The following LRIG3 variants were observed in gnomAD, a reference collection of about 807,000 sequenced individuals.
LRIG3 encodes the protein leucine-rich repeats and immunoglobulin-like domains protein 3.
A neutral mutation model predicts 114.5 loss-of-function variants in LRIG3; 76 were observed. The observed-to-expected ratio is 0.66, with a 90% CI of 0.55 to 0.80. The LOEUF (loss-of-function observed/expected upper bound fraction) is 0.80. LRIG3 is among the 30% of genes least tolerant of loss of function. The pLI is 0.00. For missense variants in LRIG3, 1,239 were observed against 1,382.8 expected (o/e 0.90, Z 1.65); for synonymous variants, 512 against 519.8 (o/e 0.98, Z 0.20).
At chr12:58,906,202 G>A (rs1423277968) in intron 3 of LRIG3, among the ~76,000 whole-genome samples, 2 of 152,090 alleles carry the variant, frequency 1.3e-5, no homozygotes, top group Non-Finnish European at 2.9e-5. Flanking sequence ...GGCTAAAGCT[G>A]CTCCTCAACT....
intron 3 of LRIG3, among the ~76,000 whole-genome samples, chr12:58,905,146 C>T (rs999972106): frequency 6.6e-6 from 1 of 152,088 alleles, no homozygotes; most frequent in Admixed American, 6.5e-5. Context: ...GAGCATTGTA[C>T]GTCTTGAGAA....
At chr12:58,900,782 C>A (rs1332921367) in intron 3 of LRIG3, among the ~76,000 whole-genome samples, 2 of 152,156 alleles carry the variant, frequency 1.3e-5, no homozygotes, top group Non-Finnish European at 2.9e-5. Context: ...GGTACACAGA[C>A]CAACGGACCA....
intron 3 of LRIG3, among the ~76,000 whole-genome samples, chr12:58,900,631 AT>A (rs1258172493): frequency 1.3e-5 from 2 of 152,170 alleles, no homozygotes; most frequent in Non-Finnish European, 2.9e-5. Context: ...AGATTTGTGT[AT>A]TTTTTAAAAT....
At chr12:58,873,408 A>T (rs2120862008) in intron 18 of LRIG3, 1 of 153,006 alleles carries the variant, frequency 6.5e-6, no homozygotes, top group East Asian at 1.9e-4. Flanking sequence ...CCTTTTTTAA[A>T]TTTTATTGTC....
At position 58,876,715 on chromosome 12, in the gene LRIG3, G is replaced by A. The variant is rs1870931281; in HGVS notation, c.2537-112C>T. 15 of 1,088,090 alleles carry A rather than the reference G, an allele frequency of 1.4e-5. No individual in the cohort carries two copies. In the South Asian group the frequency reaches 2.2e-4, roughly 16 times the overall value. The allele number at this position is 1,088,090 out of a possible 1,614,324, so 67.4% of individuals were successfully genotyped here. ...GGCTTCTGTATACATCAAATTAGGG[G>A]AGATCTACTCTGGCAAAACCATCTC... On this transcript the variant is annotated intron_variant, in intron 15 of 18. Transcript: ENST00000320743.
At chr12:58,914,112 C>A in intron 2 of LRIG3, 56 bp from the exon 3 acceptor site, 14 of 1,562,602 alleles carry the variant, frequency 9.0e-6, no homozygotes, top group Non-Finnish European at 1.2e-5. Context: ...ATCTGTAATT[C>A]ACAGAGGTGA....
rs545498488 is a variant in LRIG3 at position 58,877,846 on chromosome 12, G to A, written c.2090C>T (p.Pro697Leu). ...GTCCAACAGTGGCCGCAAAAATGAT[G>A]GTGTTTCTGAAATAACAAGTTATGC... is the stretch of plus-strand genomic sequence containing the variant. ...ANATLTVLET[P>L]SFLRPLLDRT... Residue 697 changes from proline (P) to leucine (L), a missense_variant, in exon 15 of 19, where the codon CCA becomes CTA. By Grantham distance (98) the Pro-to-Leu change is moderately conservative. Transcript: ENST00000320743. 6.3e-7 allele frequency: 1 copy of A among 1,595,810 alleles called. No individual in the cohort carries two copies. The highest frequency in any genetic ancestry group is 8.6e-7 in the Non-Finnish European group (1 of 1,165,668).
intron 3 of LRIG3, among the ~76,000 whole-genome samples, chr12:58,895,952 G>C (rs960033100): frequency 6.6e-6 from 1 of 152,150 alleles, no homozygotes; most frequent in African/African-American, 2.4e-5. Flanking sequence ...CAGGGACCCA[G>C]TTCAGCTCTA....
chr12:58,901,675 G>C (rs1278399420), intron 3 of LRIG3, among the ~76,000 whole-genome samples: 1 of 152,162 alleles, frequency 6.6e-6, no homozygotes, highest in Non-Finnish European at 1.5e-5. Context: ...CAGGAGAAGG[G>C]AATGCTTTAA....
chr12:58,879,136 C>G, intron 13 of LRIG3, 31 bp from the exon 14 acceptor site: 1 of 1,578,956 alleles, frequency 6.3e-7, no homozygotes, highest in Non-Finnish European at 8.6e-7. Context: ...TAGGCATTAG[C>G]ACAGTGGAGT....
chr12:58,883,779 A>G (rs1871190483), intron 10 of LRIG3, among the ~76,000 whole-genome samples, 188 bp from the exon 11 acceptor site: 1 of 152,214 alleles, frequency 6.6e-6, no homozygotes, highest in Admixed American at 6.5e-5. Flanking sequence ...GGGCATTTGT[A>G]TCACAGATAG....
intron 7 of LRIG3, 89 bp from the exon 8 acceptor site, chr12:58,888,021 A>AC (rs1394717545): frequency 1.8e-6 from 2 of 1,124,352 alleles, no homozygotes; most frequent in Non-Finnish European, 2.5e-6. Context: ...TGTATGAGCT[A>AC]CACTAATCCT....
intron 18 of LRIG3, 137 bp downstream of exon 18, chr12:58,873,918 A>C (rs1326610114): frequency 1.0e-6 from 1 of 990,500 alleles, no homozygotes; most frequent in Non-Finnish European, 1.5e-6. Context: ...ATTTACACTA[A>C]CTAGTCGGAT....
At chr12:58,884,005 T>G (rs754709865) in intron 10 of LRIG3, among the ~76,000 whole-genome samples, 1 of 152,212 alleles carries the variant, frequency 6.6e-6, no homozygotes, top group African/African-American at 2.4e-5. Flanking sequence ...AGATATGCAC[T>G]CAGTTAAGTG....
intron 3 of LRIG3, among the ~76,000 whole-genome samples, chr12:58,903,944 T>G (rs1018359193): frequency 2.0e-5 from 3 of 152,114 alleles, no homozygotes; most frequent in Non-Finnish European, 4.4e-5. Flanking sequence ...TTGGTACCAG[T>G]ACCATGCTGT....
rs139395518 is a variant in LRIG3 at position 58,915,258 on chromosome 12, A to G, written c.237-922T>C. On this transcript the variant is annotated intron_variant, in intron 1 of 18. Transcript: ENST00000320743. The stretch of plus-strand genomic sequence containing the variant: ...AATGAAATGGTTCCAGAGTGATGAA[A>G]AACCGGGATAACAAATAGTATGGCT... Among the ~76,000 whole-genome samples the G allele has an allele frequency of 5.0e-4, 76 of 152,352 alleles. 1 individual carries two copies. Among genetic ancestry groups the G allele is most frequent in the African/African-American group, 1.8e-3 (75 of 41,578 alleles).
chr12:58,889,945 C>A, intron 5 of LRIG3, 51 bp downstream of exon 5: 1 of 1,580,876 alleles, frequency 6.3e-7, no homozygotes, highest in Non-Finnish European at 8.6e-7. Context: ...GAAAAGACAC[C>A]AAGGGTTTGG....
At chr12:58,907,126 C>A (rs564736375) in intron 3 of LRIG3, among the ~76,000 whole-genome samples, 13 of 152,290 alleles carry the variant, frequency 8.5e-5, no homozygotes, top group African/African-American at 3.1e-4. Flanking sequence ...CATGCCCAGG[C>A]ATCTTCCACT....
At chr12:58,888,790 C>T in intron 6 of LRIG3, 29 bp downstream of exon 6, 6 of 1,610,840 alleles carry the variant, frequency 3.7e-6, no homozygotes, top group Non-Finnish European at 5.1e-6. Flanking sequence ...CATACTACCT[C>T]AGTAGGAACT....
Sources: allele counts gnomAD v4.1 joint callset (sites outside exome capture counted in the v4.1 genomes callset), GRCh38; gene constraint gnomAD v4.1.1; transcripts MANE v1.5; gene names NCBI Gene and HGNC (gene_info 2026-07-23, HGNC 2026-07-21).